The following FLI1 variants were observed in gnomAD, a reference collection of about 807,000 sequenced individuals.
FLI1 encodes Friend leukemia integration 1 transcription factor.
Under a neutral mutation model 53.1 loss-of-function variants are expected in FLI1, and 13 were observed. The observed-to-expected ratio is 0.24, with a 90% CI of 0.16 to 0.39. The LOEUF is 0.39. FLI1 is among the 10% of genes least tolerant of loss of function. The probability of loss-of-function intolerance (pLI) is 1.00; values close to 1 mark genes in which losing one functional copy is unlikely to be tolerated. For missense variants in FLI1, 424 were observed against 600.5 expected, an observed-to-expected ratio of 0.71 and a Z score of 3.07; for synonymous variants, 244 against 236.7, an observed-to-expected ratio of 1.03 and a Z score of -0.28.
intron 1 of FLI1, among the ~76,000 whole-genome samples, chr11:128,727,246 T>G (rs1443009653): frequency 1.3e-5 from 2 of 152,208 alleles, no homozygotes; most frequent in African/African-American, 4.8e-5. Context: ...AGGAAATTAT[T>G]TCATAAGGCT....
chr11:128,690,306 T>A (rs560733689), upstream of FLI1, among the ~76,000 whole-genome samples: 1 of 150,774 alleles, frequency 6.6e-6, no homozygotes, highest in Non-Finnish European at 1.5e-5. Context: ...CAGAGGGGCA[T>A]GGGAGGGGAG....
intron 1 of FLI1, among the ~76,000 whole-genome samples, chr11:128,732,169 A>C (rs1212239157): frequency 2.6e-5 from 4 of 152,192 alleles, no homozygotes; most frequent in Non-Finnish European, 5.9e-5. Flanking sequence ...CTATAGCAGA[A>C]GAGGCCAGAA....
At chr11:128,806,577 T>C (rs926416719) in intron 6 of FLI1, 1 of 152,264 alleles carries the variant, frequency 6.6e-6, no homozygotes, top group African/African-American at 2.4e-5. Context: ...TTTTGAACAC[T>C]GGCGTGTATG....
At chr11:128,737,617 G>C (rs1029055166) in intron 1 of FLI1, among the ~76,000 whole-genome samples, 9 of 152,166 alleles carry the variant, frequency 5.9e-5, no homozygotes, top group African/African-American at 1.7e-4. Context: ...TTTAAATAGA[G>C]ATCGAGGAAA....
chr11:128,742,726 A>T (rs901708322), intron 1 of FLI1, among the ~76,000 whole-genome samples: 2 of 152,228 alleles, frequency 1.3e-5, no homozygotes, highest in Non-Finnish European at 2.9e-5. Context: ...CAGAGAATTC[A>T]ACTTCTTTCT....
chr11:128,768,300 G>T (rs761372623), intron 3 of FLI1, 28 bp downstream of exon 3: 2 of 1,589,110 alleles, frequency 1.3e-6, no homozygotes, highest in Non-Finnish European at 1.7e-6. Context: ...CTGCCTGGGC[G>T]CCATTCACTT....
chr11:128,687,553 G>A (rs1050572724), intron 1 of FLI1, among the ~76,000 whole-genome samples: 5 of 151,960 alleles, frequency 3.3e-5, no homozygotes, highest in African/African-American at 7.3e-5. Flanking sequence ...ACTTTTCCCA[G>A]ATCTCTGCCC....
At chr11:128,805,548 G>T (rs1942760075) in intron 6 of FLI1, 117 bp downstream of exon 6, 1 of 635,898 alleles carries the variant, frequency 1.6e-6, no homozygotes, top group Non-Finnish European at 2.7e-6. Context: ...TTTTTGAGTA[G>T]ACATCAAAAT....
intron 1 of FLI1, among the ~76,000 whole-genome samples, chr11:128,749,314 C>G (rs997256278): frequency 6.6e-6 from 1 of 152,200 alleles, no homozygotes; most frequent in Admixed American, 6.5e-5. Flanking sequence ...GTGGCATAAA[C>G]CAATTATTAG....
intron 5 of FLI1, chr11:128,804,390 C>T (rs1942719777): frequency 6.6e-6 from 1 of 152,198 alleles, no homozygotes; most frequent in African/African-American, 2.4e-5. Context: ...GCTATTCCTG[C>T]TCAATGTCTC....
chr11:128,779,939 G>A (rs1351329112), intron 4 of FLI1, among the ~76,000 whole-genome samples: 1 of 152,214 alleles, frequency 6.6e-6, no homozygotes, highest in East Asian at 1.9e-4. Flanking sequence ...TTATTGTACT[G>A]AATATAGTAG....
upstream of FLI1, chr11:128,686,221 T>G: frequency 2.5e-6 from 1 of 393,862 alleles, no homozygotes; most frequent in Non-Finnish European, 5.1e-6. Flanking sequence ...GAAAGGGGAG[T>G]CCTACCTCTG....
chr11:128,759,207 T>C (rs922121522), intron 2 of FLI1, among the ~76,000 whole-genome samples: 3 of 152,188 alleles, frequency 2.0e-5, no homozygotes, highest in African/African-American at 4.8e-5. Context: ...TCAGATAATC[T>C]ACTGGGCCAA....
chr11:128,705,093 A>T (rs1214645892), intron 1 of FLI1, among the ~76,000 whole-genome samples: 1 of 152,240 alleles, frequency 6.6e-6, no homozygotes, highest in African/African-American at 2.4e-5. Context: ...ACTGTGATAC[A>T]TCACCAGATT....
At position 128,809,134 on chromosome 11, in the gene FLI1, A is replaced by T. The variant is rs769562145; in HGVS notation, c.782-23A>T. The stretch of plus-strand genomic sequence containing the variant: ...CATATTTTTTAAAAACACTGAAGCA[A>T]ATTTCCTTTTTTATTTCCTTAGATC... On this transcript the variant is annotated intron_variant, in intron 7 of 8. Coordinates refer to ENST00000527786, the MANE Select transcript of FLI1 (RefSeq NM_002017.5). The T allele has an allele frequency of 1.9e-6, 3 of 1,610,574 alleles. No individual in the cohort carries two copies. In the South Asian group the frequency reaches 3.3e-5, roughly 18 times the overall value.
At chr11:128,719,389 G>GTGTGTGTGTT (rs1405884981) in intron 1 of FLI1, among the ~76,000 whole-genome samples, 1 of 113,094 alleles carries the variant, frequency 8.8e-6, no homozygotes, top group East Asian at 2.9e-4. Flanking sequence ...GTGTGTGTGT[G>GTGTGTGTGTT]TGTGTGTAAA....
chr11:128,774,126 G>C (rs1941661682), intron 4 of FLI1, among the ~76,000 whole-genome samples: 1 of 152,062 alleles, frequency 6.6e-6, no homozygotes, highest in African/African-American at 2.4e-5. Context: ...CCCATCTTTG[G>C]AATCCACTGT....
intron 1 of FLI1, among the ~76,000 whole-genome samples, chr11:128,739,296 T>A (rs573803363): frequency 5.3e-4 from 80 of 152,236 alleles, no homozygotes; most frequent in African/African-American, 1.9e-3. Context: ...GGTATGGGGA[T>A]GAGCTGTGGG....
intron 2 of FLI1, chr11:128,764,809 G>A: frequency 1.3e-6 from 2 of 1,593,070 alleles, no homozygotes; most frequent in South Asian, 1.1e-5. Flanking sequence ...GGACTGGCAG[G>A]CGAGCGGGCG....
Sources: gnomAD v4.1 joint callset for allele counts (sites outside exome capture counted in the v4.1 genomes callset) on GRCh38, gnomAD v4.1.1 for gene constraint, MANE v1.5 for transcripts, NCBI Gene and HGNC (gene_info 2026-07-23, HGNC 2026-07-21) for gene names.